SLC25A26: variants seen among roughly 807,000 people sequenced by gnomAD.
The protein encoded by SLC25A26 is mitochondrial S-adenosylmethionine carrier protein.
In SLC25A26, 36 loss-of-function variants were observed where a neutral mutation model predicts 37.8. The ratio of observed to expected loss-of-function variants is 0.95; its 90% CI spans 0.73 to 1.26. SLC25A26 has a LOEUF of 1.26. Among genes scored for constraint, SLC25A26 ranks in the 50% most tolerant of loss-of-function variants. The pLI, the probability that SLC25A26 is intolerant of heterozygous loss-of-function variation, is 0.00. For missense variants in SLC25A26, 390 were observed against 331.1 expected (o/e 1.18, Z -1.38); for synonymous variants, 129 against 122.5 (o/e 1.05, Z -0.35).
intron 3 of SLC25A26, among the ~76,000 whole-genome samples, chr3:66,251,493 C>T (rs966194827): frequency 4.6e-5 from 7 of 152,104 alleles, no homozygotes; most frequent in African/African-American, 7.2e-5. Context: ...TGGAGTCTAC[C>T]GAGCTAAGTT....
intron 2 of SLC25A26, 44 bp downstream of exon 2, chr3:66,236,744 G>T: frequency 7.0e-7 from 1 of 1,424,736 alleles, no homozygotes; most frequent in South Asian, 1.4e-5. Flanking sequence ...AGATAAGATG[G>T]GATTTTCAGA....
intron 1 of SLC25A26, among the ~76,000 whole-genome samples, chr3:66,230,051 A>T (rs1478140674): frequency 1.3e-5 from 2 of 152,202 alleles, no homozygotes; most frequent in African/African-American, 4.8e-5. Context: ...CAGAACAGGG[A>T]CCACCAAGCA....
chr3:66,140,423 T>A (rs1323126248), intron 1 of SLC25A26, among the ~76,000 whole-genome samples: 2 of 151,678 alleles, frequency 1.3e-5, no homozygotes, highest in Non-Finnish European at 2.9e-5. Flanking sequence ...AAAGAAAAAA[T>A]CCACATGCTA....
chr3:66,307,590 C>T (rs2075262849), intron 5 of SLC25A26, among the ~76,000 whole-genome samples: 1 of 152,150 alleles, frequency 6.6e-6, no homozygotes, highest in Non-Finnish European at 1.5e-5. Flanking sequence ...TGCCTACGTC[C>T]TGAATGGTAT....
At chr3:66,365,038 T>TA (rs1016996758) in intron 7 of SLC25A26, among the ~76,000 whole-genome samples, 5 of 152,240 alleles carry the variant, frequency 3.3e-5, no homozygotes, top group Non-Finnish European at 7.3e-5. Flanking sequence ...TTCTGAAGGA[T>TA]AAACATCACT....
chr3:66,233,239 G>A (rs971892537), intron 1 of SLC25A26, among the ~76,000 whole-genome samples: 2 of 152,186 alleles, frequency 1.3e-5, no homozygotes, highest in Non-Finnish European at 2.9e-5. Flanking sequence ...TAATTGCAGA[G>A]CACTAATTGG....
chr3:66,249,985 G>T (rs1231567695), intron 3 of SLC25A26, among the ~76,000 whole-genome samples: 3 of 152,196 alleles, frequency 2.0e-5, no homozygotes, highest in African/African-American at 7.2e-5. Flanking sequence ...TTTCCTGTCT[G>T]TTGACTTTTT....
At chr3:66,377,401 C>T (rs959567293) in intron 9 of SLC25A26, among the ~76,000 whole-genome samples, 2 of 152,060 alleles carry the variant, frequency 1.3e-5, no homozygotes, top group Non-Finnish European at 2.9e-5. Context: ...CCCTGGAGAT[C>T]ACTTTAGAGG....
chr3:66,134,140 G>C (rs1316535061), intron 1 of SLC25A26, among the ~76,000 whole-genome samples: 1 of 152,154 alleles, frequency 6.6e-6, no homozygotes, highest in Non-Finnish European at 1.5e-5. Context: ...ACAAAACAGG[G>C]ATAACTAGTT....
At chr3:66,303,135 C>T (rs990170267) in intron 5 of SLC25A26, among the ~76,000 whole-genome samples, 3 of 152,192 alleles carry the variant, frequency 2.0e-5, no homozygotes, top group Admixed American at 6.5e-5. Flanking sequence ...GGTCTAGTCA[C>T]TGTTGACATC....
At chr3:66,211,584 G>A (rs1197401665) in intron 1 of SLC25A26, among the ~76,000 whole-genome samples, 1 of 152,122 alleles carries the variant, frequency 6.6e-6, no homozygotes, top group Non-Finnish European at 1.5e-5. Flanking sequence ...GGCATTGAAG[G>A]GGGAGGAGAG....
intron 1 of SLC25A26, among the ~76,000 whole-genome samples, chr3:66,235,729 A>C (rs1342371635): frequency 6.6e-6 from 1 of 152,250 alleles, no homozygotes; most frequent in East Asian, 1.9e-4. Flanking sequence ...CATATTGTAC[A>C]TCATCTTTTC....
intron 5 of SLC25A26, among the ~76,000 whole-genome samples, chr3:66,317,246 C>G (rs1301971737): frequency 6.6e-6 from 1 of 152,172 alleles, no homozygotes; most frequent in Non-Finnish European, 1.5e-5. Context: ...ATGGGTTTAT[C>G]TACCTTTGAT....
chr3:66,273,729 A>G (rs2074034974), intron 5 of SLC25A26, among the ~76,000 whole-genome samples: 1 of 152,322 alleles, frequency 6.6e-6, no homozygotes, highest in Middle Eastern at 3.4e-3. Flanking sequence ...ACTACAAAGC[A>G]CTGCTCAATG....
intron 1 of SLC25A26, among the ~76,000 whole-genome samples, chr3:66,209,478 T>A (rs1444593316): frequency 7.1e-6 from 1 of 141,654 alleles, no homozygotes; most frequent in Non-Finnish European, 1.5e-5. Context: ...TATAAAGGTG[T>A]ATACATATAC....
intron 1 of SLC25A26, among the ~76,000 whole-genome samples, chr3:66,145,585 T>C (rs1377686330): frequency 4.6e-5 from 7 of 152,318 alleles, no homozygotes; most frequent in African/African-American, 1.7e-4. Context: ...TATATAACTT[T>C]TGTTTTTTTT....
At chr3:66,264,863 C>T (rs2073681946) in intron 5 of SLC25A26, among the ~76,000 whole-genome samples, 1 of 152,186 alleles carries the variant, frequency 6.6e-6, no homozygotes, top group South Asian at 2.1e-4. Flanking sequence ...GCAGGTGATT[C>T]ACAGAGCAGT....
intron 1 of SLC25A26, among the ~76,000 whole-genome samples, chr3:66,147,090 TCCCCTC>T (rs2070128167): frequency 1.7e-4 from 1 of 5,882 alleles, no homozygotes; most frequent in Non-Finnish European, 3.4e-4. Flanking sequence ...TCCCCTCCCC[TCCCCTC>T]CCCTCCCCTC....
At chr3:66,282,893 T>C (rs1302840311) in intron 5 of SLC25A26, among the ~76,000 whole-genome samples, 1 of 152,198 alleles carries the variant, frequency 6.6e-6, no homozygotes, top group African/African-American at 2.4e-5. Context: ...CTGTTCTCCA[T>C]CACTATAGTT....
Sources: gnomAD v4.1 joint callset for allele counts (sites outside exome capture counted in the v4.1 genomes callset) on GRCh38, gnomAD v4.1.1 for gene constraint, MANE v1.5 for transcripts, NCBI Gene and HGNC (gene_info 2026-07-23, HGNC 2026-07-21) for gene names.